Variants in TCERG1L observed in about 807,000 individuals in gnomAD.
TCERG1L encodes transcription elongation regulator 1-like protein.
In TCERG1L, 37 loss-of-function variants were observed where a neutral mutation model predicts 56.3. That is an observed-to-expected ratio of 0.66 (90% CI 0.51 to 0.87). The LOEUF (loss-of-function observed/expected upper bound fraction) is 0.87. Among genes scored for constraint, TCERG1L ranks in the 40% least tolerant of loss-of-function variants. The probability of loss-of-function intolerance (pLI) is 0.00; values close to 1 mark genes in which losing one functional copy is unlikely to be tolerated. For missense variants in TCERG1L, 799 were observed against 774.2 expected (o/e 1.03, Z -0.38); for synonymous variants, 324 against 326.3 (o/e 0.99, Z 0.08).
Position 131,256,989 on chromosome 10 carries a change from GAAGGAAAGAAAGAAAGA to G in TCERG1L, c.856+3253_856+3269del, listed in dbSNP as rs1846172714. Among the ~76,000 whole-genome samples, 3 of 70,276 alleles carry G rather than the reference GAAGGAAAGAAAGAAAGA, an allele frequency of 4.3e-5. No individual in the cohort carries two copies. In the East Asian group the frequency reaches 1.0e-3, roughly 24 times the overall value. The allele number at this position is 70,276 out of a possible 152,430, so 46.1% of individuals were successfully genotyped here. A position where few individuals can be genotyped will look rare whatever the true frequency, so the allele number is the denominator to read the frequency against. On this transcript the variant is annotated intron_variant, in intron 4 of 11. Coordinates refer to ENST00000368642, the MANE Select transcript of TCERG1L (RefSeq NM_174937.4). Reference sequence around the variant, plus strand: ...GGAAGGAAGGAAGGAAGGAAGGAAGGAAGGAAAGAAAGAAAGAAAGAAAGAAAGAAAGAAAGAAAGAA... The same window carrying G: ...GGAAGGAAGGAAGGAAGGAAGGAAGGAAGAAAGAAAGAAAGAAAGAAAGAA...
At chr10:131,181,077 G>A (rs143806228) in intron 4 of TCERG1L, among the ~76,000 whole-genome samples, 16 of 152,282 alleles carry the variant, frequency 1.1e-4, no homozygotes, top group East Asian at 1.9e-4. Flanking sequence ...GCCACTGCCC[G>A]CCACAGACCA....
chr10:131,137,887 T>G (rs1477060184), intron 7 of TCERG1L, among the ~76,000 whole-genome samples: 1 of 152,112 alleles, frequency 6.6e-6, no homozygotes, highest in East Asian at 1.9e-4. Flanking sequence ...CCACCAAGAC[T>G]GCCGTCAAGC....
chr10:131,296,574 GT>G (rs201548995), intron 3 of TCERG1L, among the ~76,000 whole-genome samples: 5,615 of 152,236 alleles, frequency 0.037, 128 homozygotes, highest in African/African-American at 0.054. Flanking sequence ...CTCCACACTC[GT>G]TTTCTTCGTC....
intron 8 of TCERG1L, among the ~76,000 whole-genome samples, chr10:131,120,332 C>T (rs1845500559): frequency 6.6e-6 from 1 of 152,220 alleles, no homozygotes; most frequent in Non-Finnish European, 1.5e-5. Flanking sequence ...CAACCCCCGC[C>T]ATGATTTTCC....
At chr10:131,179,850 G>A (rs764472670) in intron 4 of TCERG1L, among the ~76,000 whole-genome samples, 9 of 152,132 alleles carry the variant, frequency 5.9e-5, no homozygotes, top group East Asian at 1.9e-4. Flanking sequence ...CTGATTCCCC[G>A]CACCCACTTC....
intron 6 of TCERG1L, among the ~76,000 whole-genome samples, chr10:131,155,433 G>A (rs895390054): frequency 6.6e-6 from 1 of 152,192 alleles, no homozygotes; most frequent in Admixed American, 6.5e-5. Flanking sequence ...GAGGCTTGCC[G>A]GGAGGGCAGC....
intron 11 of TCERG1L, among the ~76,000 whole-genome samples, chr10:131,096,617 C>T (rs1444877427): frequency 3.3e-5 from 5 of 152,072 alleles, no homozygotes; most frequent in Non-Finnish European, 7.4e-5. Flanking sequence ...AAAACCGATG[C>T]AGGCCAGGCG....
rs1846295524 is a variant in TCERG1L, at chr10:131,267,091, G to A, written c.671-6647C>T. Among the ~76,000 whole-genome samples the A allele has an allele frequency of 3.3e-5, 5 of 152,198 alleles. No homozygotes were observed. Among genetic ancestry groups the A allele is most frequent in the Admixed American group, 6.5e-5 (1 of 15,286 alleles). On this transcript the variant is annotated intron_variant, in intron 3 of 11. Coordinates refer to ENST00000368642, the MANE Select transcript of TCERG1L (RefSeq NM_174937.4). The surrounding 1 kb of genome is among the most constrained non-coding windows in gnomAD (Gnocchi z 4.9). Reference sequence around the variant, plus strand: ...CCCACTCCTTCACACCCAGGAGCCCGTCTGCCTCCTGCCACCACTCATCAT... The same window carrying A: ...CCCACTCCTTCACACCCAGGAGCCCATCTGCCTCCTGCCACCACTCATCAT...
At chr10:131,142,874 G>T (rs959860695) in intron 7 of TCERG1L, among the ~76,000 whole-genome samples, 1 of 152,234 alleles carries the variant, frequency 6.6e-6, no homozygotes, top group African/African-American at 2.4e-5. Context: ...AAGGATGGAG[G>T]TTGCTAAACA....
chr10:131,214,385 C>T (rs1845647567), intron 4 of TCERG1L, among the ~76,000 whole-genome samples: 1 of 152,188 alleles, frequency 6.6e-6, no homozygotes, highest in South Asian at 2.1e-4. Flanking sequence ...GGCATCTCAG[C>T]CACTCTCACA....
chr10:131,107,865 ACACATGTACACATG>A (rs1845368864), intron 9 of TCERG1L, among the ~76,000 whole-genome samples: 1 of 152,154 alleles, frequency 6.6e-6, no homozygotes, highest in African/African-American at 2.4e-5. Context: ...ATACGCAGGC[ACACATGTACACATG>A]CACATGTACA....
intron 9 of TCERG1L, among the ~76,000 whole-genome samples, chr10:131,109,078 G>C (rs181018426): frequency 6.6e-6 from 1 of 152,222 alleles, no homozygotes; most frequent in African/African-American, 2.4e-5. Context: ...TGGGGTGGGG[G>C]GGGTGGAGGG....
intron 3 of TCERG1L, among the ~76,000 whole-genome samples, chr10:131,262,163 C>T (rs945970732): frequency 5.3e-5 from 8 of 152,140 alleles, no homozygotes; most frequent in Non-Finnish European, 7.3e-5. Flanking sequence ...CAGGAGGGAG[C>T]GGAGCCTGCG....
intron 9 of TCERG1L, among the ~76,000 whole-genome samples, chr10:131,106,041 T>C (rs1402502699): frequency 6.6e-6 from 1 of 152,222 alleles, no homozygotes; most frequent in Non-Finnish European, 1.5e-5. Context: ...CTGGCTCCTT[T>C]CCTAGAACGG....
intron 3 of TCERG1L, among the ~76,000 whole-genome samples, chr10:131,296,064 C>T (rs149053046): frequency 1.9e-3 from 292 of 151,662 alleles, no homozygotes; most frequent in African/African-American, 6.0e-3. Context: ...CTTTTTTCTG[C>T]TTTTTTATTT....
intron 10 of TCERG1L, among the ~76,000 whole-genome samples, chr10:131,102,781 G>A (rs1287966242): frequency 6.6e-6 from 1 of 152,102 alleles, no homozygotes; most frequent in Admixed American, 6.5e-5. Flanking sequence ...GTCTATCTCA[G>A]GGCCCTTCTC....
At chr10:131,288,065 T>C (rs191053464) in intron 3 of TCERG1L, among the ~76,000 whole-genome samples, 1 of 152,200 alleles carries the variant, frequency 6.6e-6, no homozygotes, top group African/African-American at 2.4e-5. Flanking sequence ...TGCTTCTCCA[T>C]AGCTTTCTCT....
chr10:131,153,054 T>C (rs979384355), intron 6 of TCERG1L, among the ~76,000 whole-genome samples: 20 of 152,098 alleles, frequency 1.3e-4, no homozygotes, highest in African/African-American at 4.3e-4. Flanking sequence ...CCAAACCATA[T>C]CAGTGAGTCT....
intron 4 of TCERG1L, among the ~76,000 whole-genome samples, chr10:131,167,154 C>T (rs899859617): frequency 2.6e-5 from 4 of 152,338 alleles, no homozygotes; most frequent in East Asian, 3.9e-4. Context: ...CCCGACCTCC[C>T]GGCATCCCTC....
Sources: allele counts gnomAD v4.1 joint callset (sites outside exome capture counted in the v4.1 genomes callset), GRCh38; gene constraint gnomAD v4.1.1; non-coding constraint Gnocchi (gnomAD v3.1); transcripts MANE v1.5; gene names NCBI Gene and HGNC (gene_info 2026-07-23, HGNC 2026-07-21).